ENO3: variants seen among roughly 807,000 people sequenced by gnomAD.
The protein encoded by ENO3 is enolase 3, also known as beta-enolase.
A neutral mutation model predicts 47.7 loss-of-function variants in ENO3; 46 were observed. That is an observed-to-expected ratio of 0.96 (90% CI 0.76 to 1.23). The LOEUF (loss-of-function observed/expected upper bound fraction) is 1.23. ENO3 is among the 50% of genes most tolerant of loss of function. The pLI, the probability that ENO3 is intolerant of heterozygous loss-of-function variation, is 0.00. For synonymous variants in ENO3, 223 were observed against 225.9 expected (o/e 0.99, Z 0.11); for missense variants, 575 against 566.2 (o/e 1.02, Z -0.16).
intron 1 of ENO3, among the ~76,000 whole-genome samples, chr17:4,951,506 T>C (rs1044292903): frequency 6.6e-6 from 1 of 151,854 alleles, no homozygotes; most frequent in Non-Finnish European, 1.5e-5. Context: ...CCACCAGCCA[T>C]GGAGAACAGA....
At position 4,956,628 on chromosome 17, in the gene ENO3, G is replaced by A. The variant is rs770822790; in HGVS notation, c.1123G>A (p.Glu375Lys). 6 of 1,614,196 alleles carry A rather than the reference G, an allele frequency of 3.7e-6. No homozygotes were observed. The East Asian group carries it at 1.1e-4, about 30-fold the overall frequency. ...WGVMVSHRSG[E>K]TEDTFIADLV... ...GGTGATGGTGAGCCACCGCTCTGGG[G>A]AGACTGAGGACACATTCATTGCTGA... The change falls in exon 10 of 12, where the codon GAG becomes AAG. Residue 375 changes from glutamate (E) to lysine (K), a missense_variant. Transcript: ENST00000519602.
At chr17:4,952,570 G>A (rs191305889) in intron 2 of ENO3, among the ~76,000 whole-genome samples, 6 of 152,266 alleles carry the variant, frequency 3.9e-5, no homozygotes, top group South Asian at 2.1e-4. Flanking sequence ...TGATCCGCCC[G>A]CCTTGGCCTC....
intron 8 of ENO3, 163 bp downstream of exon 8, chr17:4,955,767 T>G: frequency 7.7e-7 from 1 of 1,304,756 alleles, no homozygotes; most frequent in Non-Finnish European, 1.1e-6. Context: ...TCCATGAGGC[T>G]CCTTCTGACC....
intron 6 of ENO3, chr17:4,954,100 C>T (rs1210503549): frequency 1.0e-5 from 6 of 588,358 alleles, no homozygotes; most frequent in Non-Finnish European, 1.8e-5. Flanking sequence ...TCGATAACTC[C>T]AGCCTCGTTC....
At chr17:4,952,343 ATTTTTTTT>A (rs11310549) in intron 2 of ENO3, 2 of 253,804 alleles carry the variant, frequency 7.9e-6, no homozygotes, top group Non-Finnish European at 1.5e-5. Context: ...CGCCCAGCTA[ATTTTTTTT>A]TTTTTTTTTT....
At chr17:4,954,943 C>A in intron 6 of ENO3, 132 bp from the exon 7 acceptor site, 3 of 694,758 alleles carry the variant, frequency 4.3e-6, no homozygotes, top group East Asian at 5.6e-5. Context: ...GGCTCTTGAG[C>A]AAAACTACTC....
At position 4,956,896 on chromosome 17, in the gene ENO3, C is replaced by CGGGAACA; in HGVS notation, c.1235+9_1235+15dup. The stretch of plus-strand genomic sequence containing the variant: ...AATACAACCAACTCATGAGGTACAG[C>CGGGAACA]GGGAACAGTGGGCCTGGGCATTGGG... On this transcript the variant is annotated splice_region_variant and intron_variant, in intron 11 of 11. Transcript: ENST00000519602. 1 of 1,614,208 alleles carries CGGGAACA rather than the reference C, an allele frequency of 6.2e-7. No individual in the cohort carries two copies. Among genetic ancestry groups the CGGGAACA allele is most frequent in the Non-Finnish European group, 8.5e-7 (1 of 1,180,038 alleles).
intron 1 of ENO3, 59 bp from the exon 2 acceptor site, chr17:4,951,769 G>T: frequency 1.3e-6 from 2 of 1,563,054 alleles, no homozygotes; most frequent in South Asian, 2.2e-5. Flanking sequence ...AAGGGCAAGG[G>T]ATTTCTGGTT....
Position 4,953,569 on chromosome 17 carries a change from C to T in ENO3, c.311-143C>T. ...GACACATTCCCCCGGGGTGGGGGTT[C>T]CCAGGGCTACTCAGGCTGTTGGGGA... On this transcript the variant is annotated intron_variant, in intron 5 of 11. Transcript: ENST00000519602. 3 of 1,528,342 alleles carry T rather than the reference C, an allele frequency of 2.0e-6. No homozygotes were observed. The African/African-American group carries it at 4.1e-5, about 21-fold the overall frequency. 94.7% of individuals were successfully genotyped at this position (1,528,342 alleles called of 1,614,324 possible).
intron 8 of ENO3, 153 bp from the exon 9 acceptor site, chr17:4,955,789 C>A: frequency 3.2e-6 from 4 of 1,244,386 alleles, no homozygotes; most frequent in African/African-American, 1.5e-5. Flanking sequence ...CTAGCCGTGT[C>A]TCTGCCCTGT....
upstream of ENO3, chr17:4,950,179 C>G (rs568653631): frequency 9.2e-5 from 14 of 152,184 alleles, no homozygotes; most frequent in African/African-American, 3.1e-4. Context: ...CCGTGTGTCC[C>G]CCGCCGGTCG....
intron 1 of ENO3, 182 bp downstream of exon 1, chr17:4,951,364 T>C: frequency 2.2e-6 from 2 of 898,438 alleles, no homozygotes; most frequent in Non-Finnish European, 2.8e-6. Flanking sequence ...CCGAAGGATC[T>C]AGGGAAAGGA....
intron 6 of ENO3, 47 bp from the exon 7 acceptor site, chr17:4,955,028 A>T: frequency 3.5e-6 from 5 of 1,440,366 alleles, no homozygotes; most frequent in African/African-American, 1.4e-5. Context: ...TCCCTTCTTG[A>T]GCTCTCATGC....
At chr17:4,953,199 T>C in intron 4 of ENO3, 73 bp from the exon 5 acceptor site, 1 of 1,612,742 alleles carries the variant, frequency 6.2e-7, no homozygotes, top group Non-Finnish European at 8.5e-7. Context: ...TTTTCCCTTA[T>C]CCTTCCCCTG....
chr17:4,952,251 A>G (rs895872967), intron 2 of ENO3: 13 of 384,126 alleles, frequency 3.4e-5, no homozygotes, highest in Non-Finnish European at 6.5e-5. Context: ...ATCTCAGCTC[A>G]CTGCAACCTC....
chr17:4,951,721 C>T (rs1162145700), intron 1 of ENO3, 107 bp from the exon 2 acceptor site: 3 of 1,260,926 alleles, frequency 2.4e-6, no homozygotes, highest in East Asian at 2.3e-5. Context: ...GTATTTTTAG[C>T]TCCAGCACCT....
At chr17:4,954,107 G>A (rs558860401) in intron 6 of ENO3, 5 of 576,814 alleles carry the variant, frequency 8.7e-6, no homozygotes, top group Non-Finnish European at 9.2e-6. Context: ...CTCCAGCCTC[G>A]TTCCAACCCC....
Position 4,955,929 on chromosome 17 carries a change from C to G in ENO3, c.866-13C>G. ...CTCTGTCTCTGCCCTGTCTCTGCTC[C>G]AAACCCCACCAGTGGTCTCCATCGA... On this transcript the variant is annotated splice_polypyrimidine_tract_variant and intron_variant, in intron 8 of 11. Coordinates refer to ENST00000519602, the MANE Select transcript of ENO3 (RefSeq NM_053013.4). The G allele has an allele frequency of 6.2e-7, 1 of 1,612,204 alleles. No homozygotes were observed. Among genetic ancestry groups the G allele is most frequent in the African/African-American group, 1.3e-5 (1 of 74,394 alleles).
chr17:4,955,227 G>C lies in ENO3; in HGVS notation c.597G>C (p.Lys199Asn). The change falls in exon 7 of 12, where the codon AAG (lysine) becomes AAC (asparagine). Residue 199 changes from lysine to asparagine, a missense_variant. By Grantham distance (94) the Lys-to-Asn change is moderately conservative (BLOSUM62 0). Coordinates refer to ENST00000519602, the MANE Select transcript of ENO3 (RefSeq NM_053013.4). ...YHHLKGVIKA[K>N]YGKDATNVGD... Reference sequence around the variant, plus strand: ...ACCTCAAGGGGGTCATCAAGGCCAAGTATGGGAAGGATGCCACCAATGTGG... The same window carrying C: ...ACCTCAAGGGGGTCATCAAGGCCAACTATGGGAAGGATGCCACCAATGTGG... 6.2e-7 allele frequency: 1 copy of C among 1,614,278 alleles called. No individual in the cohort carries two copies. The highest frequency in any genetic ancestry group is 1.3e-5 in the African/African-American group (1 of 75,086).
Sources: allele counts gnomAD v4.1 joint callset (sites outside exome capture counted in the v4.1 genomes callset), GRCh38; gene constraint gnomAD v4.1.1; transcripts MANE v1.5; gene names NCBI Gene and HGNC (gene_info 2026-07-23, HGNC 2026-07-21).